Variants in ZMYND8 observed in about 807,000 individuals in gnomAD.
The protein encoded by ZMYND8 is zinc finger MYND-type containing 8.
ZMYND8 carries 37 observed loss-of-function variants against 140.8 expected under a neutral mutation model. The observed-to-expected ratio is 0.26, with a 90% CI of 0.20 to 0.35. The LOEUF (loss-of-function observed/expected upper bound fraction) is 0.35, where lower values mean the gene tolerates loss of function less well. Ranked by LOEUF, ZMYND8 falls within the 10% of genes least tolerant of loss-of-function variation. ZMYND8 has a pLI of 1.00. For missense variants in ZMYND8, 1,068 were observed against 1,570.0 expected, an observed-to-expected ratio of 0.68 and a Z score of 5.40; for synonymous variants, 592 against 597.1, an observed-to-expected ratio of 0.99 and a Z score of 0.12.
intron 1 of ZMYND8, among the ~76,000 whole-genome samples, chr20:47,356,143 C>G (rs2083212997): frequency 6.6e-6 from 1 of 151,898 alleles, no homozygotes; most frequent in South Asian, 2.1e-4. Flanking sequence ...TTCCCAGAAC[C>G]TCTTTGGAGA....
chr20:47,239,586 G>A (rs1477322226), intron 14 of ZMYND8, among the ~76,000 whole-genome samples: 1 of 152,228 alleles, frequency 6.6e-6, no homozygotes, highest in Non-Finnish European at 1.5e-5. Context: ...GCTAGGGAAC[G>A]TAGAAAGCAA....
chr20:47,328,138 G>GTCTAAA (rs1423991459), intron 2 of ZMYND8, among the ~76,000 whole-genome samples: 9 of 152,292 alleles, frequency 5.9e-5, no homozygotes, highest in Non-Finnish European at 1.2e-4. Flanking sequence ...AACTTGAAAG[G>GTCTAAA]CCCTTAAAGG....
intron 21 of ZMYND8, among the ~76,000 whole-genome samples, chr20:47,219,136 C>T (rs2036569829): frequency 6.8e-6 from 1 of 147,540 alleles, no homozygotes; most frequent in African/African-American, 2.5e-5. Flanking sequence ...CGACTCACTG[C>T]AACCTCCACC....
chr20:47,221,571 G>A (rs1278435946), intron 19 of ZMYND8, 97 bp from the exon 20 acceptor site: 4 of 1,436,026 alleles, frequency 2.8e-6, no homozygotes, highest in African/African-American at 1.4e-5. Context: ...TGGCACCCAA[G>A]GCTCAGCCCT....
At chr20:47,227,107 G>T in intron 18 of ZMYND8, 96 bp downstream of exon 18, 1 of 1,288,648 alleles carries the variant, frequency 7.8e-7, no homozygotes, top group South Asian at 1.2e-5. Context: ...TCCTAGCCTA[G>T]CTTTAATTGC....
In ZMYND8 at chr20:47,285,732, T is replaced by A. The variant is rs935802041; in HGVS notation, c.804+1497A>T. 3 of 985,184 alleles carry A rather than the reference T, an allele frequency of 3.0e-6. No homozygotes were observed. The East Asian group carries it at 3.4e-4, about 112-fold the overall frequency. The allele number at this position is 985,184 out of a possible 1,614,324, so 61.0% of individuals were successfully genotyped here. On this transcript the variant is annotated intron_variant, in intron 8 of 22. Coordinates refer to ENST00000471951, the MANE Select transcript of ZMYND8 (RefSeq NM_001281775.3). ...AGATGCTGATAAAACTGGGTACTATTTAATGACAAGAGGAGTAATTAAATG... is the reference window on the plus strand; with the variant it reads ...AGATGCTGATAAAACTGGGTACTATATAATGACAAGAGGAGTAATTAAATG...
At chr20:47,278,779 A>T (rs2076413651) in intron 10 of ZMYND8, among the ~76,000 whole-genome samples, 1 of 152,244 alleles carries the variant, frequency 6.6e-6, no homozygotes, top group African/African-American at 2.4e-5. Context: ...AGAGCAGAAC[A>T]GAAGCCAGAT....
intron 12 of ZMYND8, among the ~76,000 whole-genome samples, chr20:47,250,901 C>G (rs1395950034): frequency 6.6e-6 from 1 of 152,158 alleles, no homozygotes; most frequent in Non-Finnish European, 1.5e-5. Context: ...TGGTGGAATG[C>G]ACCTGTAGTC....
intron 1 of ZMYND8, chr20:47,348,491 C>T (rs2082517497): frequency 6.2e-6 from 1 of 162,384 alleles, no homozygotes; most frequent in African/African-American, 2.4e-5. Context: ...AACACTGAAC[C>T]GAGGAGCACT....
intron 22 of ZMYND8, among the ~76,000 whole-genome samples, chr20:47,211,954 A>T (rs1345307151): frequency 6.6e-6 from 1 of 152,188 alleles, no homozygotes; most frequent in Non-Finnish European, 1.5e-5. Flanking sequence ...CTCAGGAGAG[A>T]ACTCTTCTTA....
chr20:47,227,417 G>T (rs907386902), intron 17 of ZMYND8, 136 bp from the exon 18 acceptor site: 1 of 787,574 alleles, frequency 1.3e-6, no homozygotes. Context: ...CCAGAGAGGT[G>T]ATCACTGGTG....
At chr20:47,341,526 C>CA (rs112093006) in intron 2 of ZMYND8, among the ~76,000 whole-genome samples, 831 of 55,840 alleles carry the variant, frequency 0.015, 6 homozygotes, top group African/African-American at 0.023. Flanking sequence ...GACTCCATCT[C>CA]AAAAAAAAAA....
chr20:47,246,332 T>C lies in ZMYND8; in HGVS notation c.1960A>G (p.Lys654Glu), dbSNP rs1219169865. The change falls in exon 14 of 23, where the codon AAA (lysine) becomes GAA (glutamate). Residue 654 changes from lysine to glutamate, a missense_variant. Transcript: ENST00000471951. ...ACTGGGTTTGTAGGCTTGGGCTTTTTTTTAACAGCAGATGGCTCTTTGTCC... is the reference window on the plus strand; with the variant it reads ...ACTGGGTTTGTAGGCTTGGGCTTTTCTTTAACAGCAGATGGCTCTTTGTCC... ...QMDKEPSAVKKKPKPTNPVEI... is the reference protein window; with the variant it reads ...QMDKEPSAVKEKPKPTNPVEI... 6.8e-6 allele frequency: 11 copies of C among 1,614,196 alleles called. No individual in the cohort carries two copies. The highest frequency in any genetic ancestry group is 9.3e-6 in the Non-Finnish European group (11 of 1,180,034).
chr20:47,269,147 C>T (rs1340896424), intron 11 of ZMYND8, among the ~76,000 whole-genome samples: 16 of 152,064 alleles, frequency 1.1e-4, no homozygotes, highest in Non-Finnish European at 2.2e-4. Flanking sequence ...TGCAGTGAGC[C>T]GAGATCATGC....
At chr20:47,308,965 C>T (rs997528917) in intron 3 of ZMYND8, among the ~76,000 whole-genome samples, 2 of 151,964 alleles carry the variant, frequency 1.3e-5, no homozygotes, top group African/African-American at 2.4e-5. Context: ...TGCTGAAGAA[C>T]AAGTGGCATC....
chr20:47,211,949 G>A (rs1208753407), intron 22 of ZMYND8, among the ~76,000 whole-genome samples: 1 of 152,192 alleles, frequency 6.6e-6, no homozygotes, highest in Non-Finnish European at 1.5e-5. Flanking sequence ...AGTTACTCAG[G>A]AGAGAACTCT....
rs564450846 is a variant in ZMYND8, at chr20:47,323,552, A to G, written c.86-13348T>C. Among the ~76,000 whole-genome samples the G allele has an allele frequency of 1.3e-4, 20 of 152,224 alleles. No homozygotes were observed. In the South Asian group the frequency reaches 4.1e-3, roughly 32 times the overall value. ...CCAAATCTTTCTGTACCTTCACCAG[A>G]CTACCTCTTCCAAGCCTGTTTTTAA... On this transcript the variant is annotated intron_variant, in intron 2 of 22. Coordinates refer to ENST00000471951, the MANE Select transcript of ZMYND8 (RefSeq NM_001281775.3).
At chr20:47,328,542 C>A (rs1318913444) in intron 2 of ZMYND8, among the ~76,000 whole-genome samples, 1 of 152,128 alleles carries the variant, frequency 6.6e-6, no homozygotes. Flanking sequence ...CAGCTCACTA[C>A]AACCTCTGCC....
At chr20:47,214,087 C>T (rs2035700014) in intron 21 of ZMYND8, among the ~76,000 whole-genome samples, 1 of 152,182 alleles carries the variant, frequency 6.6e-6, no homozygotes, top group Admixed American at 6.5e-5. Context: ...TGTCCTAGTA[C>T]CTGATGCACA....
Sources: allele counts gnomAD v4.1 joint callset (sites outside exome capture counted in the v4.1 genomes callset), GRCh38; gene constraint gnomAD v4.1.1; transcripts MANE v1.5; gene names NCBI Gene and HGNC (gene_info 2026-07-23, HGNC 2026-07-21).